The following PACS2 variants were observed in gnomAD, a reference collection of about 807,000 sequenced individuals.
The protein encoded by PACS2 is phosphofurin acidic cluster sorting protein 2.
A neutral mutation model predicts 113.0 loss-of-function variants in PACS2; 36 were observed. That is an observed-to-expected ratio of 0.32 (90% CI 0.24 to 0.42). The LOEUF (loss-of-function observed/expected upper bound fraction) is 0.42. Among genes scored for constraint, PACS2 ranks in the 10% least tolerant of loss-of-function variants. The pLI, the probability that PACS2 is intolerant of heterozygous loss-of-function variation, is 1.00. For synonymous variants in PACS2, 589 were observed against 536.1 expected, an observed-to-expected ratio of 1.10 and a Z score of -1.36; for missense variants, 1,015 against 1,239.5, an observed-to-expected ratio of 0.82 and a Z score of 2.72.
chr14:105,326,467 G>T (rs967824253), intron 1 of PACS2, among the ~76,000 whole-genome samples: 1 of 152,242 alleles, frequency 6.6e-6, no homozygotes, highest in Non-Finnish European at 1.5e-5. Flanking sequence ...TTCCTGGTGC[G>T]GTGCTGAATT....
chr14:105,333,778 G>A (rs1268767334), intron 1 of PACS2, among the ~76,000 whole-genome samples: 1 of 152,218 alleles, frequency 6.6e-6, no homozygotes, highest in Non-Finnish European at 1.5e-5. Context: ...CCTTCTCACT[G>A]AGGGTCACAG....
chr14:105,384,353 G>A lies in PACS2; in HGVS notation c.1781G>A (p.Gly594Asp). ...GYMRFLVIPL[G>D]SHPVARYLGS... is the part of the protein sequence containing the mutation. ...CACCAGCCCCACCCCTGGCATGCAG[G>A]CTCCCACCCCGTGGCCAGGTACCTA... Residue 594 changes from glycine (G) to aspartate (D), a missense_variant and splice_region_variant, in exon 17 of 25, where the codon GGC becomes GAC. This residue lies in a region of PACS2 where 859 missense variants were observed against 1,056.8 expected (regional missense o/e 0.81). Coordinates refer to ENST00000447393, the MANE Select transcript of PACS2 (RefSeq NM_001100913.3). 2 of 1,597,318 alleles carry A rather than the reference G, an allele frequency of 1.3e-6. No homozygotes were observed. Among genetic ancestry groups the A allele is most frequent in the Non-Finnish European group, 1.7e-6 (2 of 1,167,326 alleles).
chr14:105,315,390 C>T lies in PACS2; in HGVS notation c.119+353C>T, dbSNP rs2058546733. The T allele has an allele frequency of 6.6e-6, 1 of 152,290 alleles. No individual in the cohort carries two copies. Among genetic ancestry groups the T allele is most frequent in the Admixed American group, 6.5e-5 (1 of 15,294 alleles). The allele number at this position is 152,290 out of a possible 1,614,324, so 9.4% of individuals were successfully genotyped here. A position where few individuals can be genotyped will look rare whatever the true frequency, so the allele number is the denominator to read the frequency against. ...GCCGGCCGGGGTGACGAGGGTGCTT[C>T]CTCTCTCGGGTACCACACGCTTCCT... On this transcript the variant is annotated intron_variant, in intron 1 of 24. Transcript: ENST00000447393. This position sits in a 1 kb window ranked among gnomAD's most constrained non-coding sequence, Gnocchi z 4.4.
At chr14:105,314,412 C>T (rs1437037020), upstream of PACS2, 1 of 150,580 alleles carries the variant, frequency 6.6e-6, no homozygotes, top group Non-Finnish European at 1.5e-5. Context: ...CTGGCCGGGA[C>T]CCGGTGGACC....
At chr14:105,350,762 G>C (rs940429431) in intron 2 of PACS2, among the ~76,000 whole-genome samples, 2 of 152,228 alleles carry the variant, frequency 1.3e-5, no homozygotes, top group African/African-American at 2.4e-5. Flanking sequence ...GTCCTCTGAG[G>C]GGGGAATGCT....
intron 2 of PACS2, among the ~76,000 whole-genome samples, chr14:105,352,061 C>T (rs2060199685): frequency 6.6e-6 from 1 of 152,174 alleles, no homozygotes. Context: ...GCAGCGCAGT[C>T]AGGTGCTGCT....
In PACS2 at chr14:105,323,557, G is replaced by A. The variant is rs587711377; in HGVS notation, c.119+8520G>A. ...AATGGAACCAGGATGTCATGCCAAG[G>A]AGTGTGGTTTCATTTTGAGTGGTGG... On this transcript the variant is annotated intron_variant, in intron 1 of 24. Coordinates refer to ENST00000447393, the MANE Select transcript of PACS2 (RefSeq NM_001100913.3). This position sits in a 1 kb window ranked among gnomAD's most constrained non-coding sequence, Gnocchi z 4.1. Among the ~76,000 whole-genome samples the A allele has an allele frequency of 6.6e-6, 1 of 152,396 alleles. No homozygotes were observed. The highest frequency in any genetic ancestry group is 2.1e-4 in the South Asian group (1 of 4,834).
intron 1 of PACS2, among the ~76,000 whole-genome samples, chr14:105,307,602 C>T (rs996506466): frequency 6.6e-6 from 1 of 152,184 alleles, no homozygotes; most frequent in Non-Finnish European, 1.5e-5. Context: ...TACTCAATAG[C>T]CCTGTCCCCC....
At chr14:105,392,566 C>T in intron 22 of PACS2, 53 bp from the exon 23 acceptor site, 1 of 1,433,944 alleles carries the variant, frequency 7.0e-7, no homozygotes, top group Middle Eastern at 1.7e-4. Context: ...AGTGATGTCC[C>T]CATCACTAGG....
chr14:105,307,263 A>C (rs2058217487), intron 1 of PACS2, among the ~76,000 whole-genome samples: 1 of 151,898 alleles, frequency 6.6e-6, no homozygotes, highest in Admixed American at 6.6e-5. Flanking sequence ...GCCTCCTTTC[A>C]TCAGGCTCCT....
chr14:105,312,508 C>CT (rs2058374162), upstream of PACS2, among the ~76,000 whole-genome samples: 1 of 152,184 alleles, frequency 6.6e-6, no homozygotes, highest in Non-Finnish European at 1.5e-5. Context: ...CAAGTTCCTG[C>CT]TTTAAAGAAA....
At chr14:105,384,034 C>A in intron 16 of PACS2, 1 of 374,820 alleles carries the variant, frequency 2.7e-6, no homozygotes, top group Non-Finnish European at 4.9e-6. Flanking sequence ...ACACCTCTCC[C>A]GTGTGGCCCT....
chr14:105,302,226 G>A (rs1211319880), intron 1 of PACS2, among the ~76,000 whole-genome samples: 3 of 144,000 alleles, frequency 2.1e-5, no homozygotes, highest in Non-Finnish European at 4.5e-5. Flanking sequence ...TTTTTGAGAC[G>A]GAGTCTCTGC....
At chr14:105,342,348 G>GCCT (rs1159467749) in intron 1 of PACS2, among the ~76,000 whole-genome samples, 1 of 151,858 alleles carries the variant, frequency 6.6e-6, no homozygotes, top group Non-Finnish European at 1.5e-5. Context: ...GCTGACTGCA[G>GCCT]CCTCCAACTC....
At chr14:105,362,906 T>G (rs1224704613) in intron 4 of PACS2, among the ~76,000 whole-genome samples, 3 of 152,162 alleles carry the variant, frequency 2.0e-5, no homozygotes, top group African/African-American at 7.2e-5. Context: ...GGCTGCCTGA[T>G]GGATGTCGTG....
intron 1 of PACS2, among the ~76,000 whole-genome samples, chr14:105,322,591 G>C (rs772929449): frequency 1.3e-5 from 2 of 152,222 alleles, no homozygotes; most frequent in Non-Finnish European, 2.9e-5. Flanking sequence ...AATGTGCATA[G>C]TTAATTGTAT....
rs115943118 is a variant in PACS2 at position 105,329,271 on chromosome 14, G to T, written c.119+14234G>T. On this transcript the variant is annotated intron_variant, in intron 1 of 24. Transcript: ENST00000447393. The surrounding 1 kb of genome is among the most constrained non-coding windows in gnomAD (Gnocchi z 6.4). ...GGTTTGCAGGGGCCTGGCTGCAGCT[G>T]CCCTGTGTGATCTCTGTCCCCGTCT... Among the ~76,000 whole-genome samples, 646 of 152,324 alleles carry T rather than the reference G, an allele frequency of 4.2e-3. 5 individuals are homozygous for T. Among genetic ancestry groups the T allele is most frequent in the African/African-American group, 0.015 (619 of 41,568 alleles).
intron 1 of PACS2, among the ~76,000 whole-genome samples, chr14:105,345,917 G>A (rs2059903161): frequency 6.6e-6 from 1 of 152,202 alleles, no homozygotes. Flanking sequence ...GCCCCCTCAG[G>A]CCAGGCCCTT....
At chr14:105,331,506 T>C (rs1409578396) in intron 1 of PACS2, among the ~76,000 whole-genome samples, 1 of 152,184 alleles carries the variant, frequency 6.6e-6, no homozygotes, top group Non-Finnish European at 1.5e-5. Flanking sequence ...AGCCTCAAAC[T>C]CTGGGGCTCG....
Sources: gnomAD v4.1 joint callset for allele counts (sites outside exome capture counted in the v4.1 genomes callset) on GRCh38, gnomAD v4.1.1 for gene constraint, gnomAD v4.1.1 regional missense constraint, Gnocchi (gnomAD v3.1) non-coding constraint, MANE v1.5 for transcripts, NCBI Gene and HGNC (gene_info 2026-07-23, HGNC 2026-07-21) for gene names.